The following ITGA2B variants were observed in gnomAD, a reference collection of about 807,000 sequenced individuals.
ITGA2B encodes integrin subunit alpha 2b, also known as integrin alpha-IIb.
In ITGA2B, 91 loss-of-function variants were observed where a neutral mutation model predicts 142.0. That is an observed-to-expected ratio of 0.64 (90% CI 0.54 to 0.76). The LOEUF (loss-of-function observed/expected upper bound fraction) is 0.76, where lower values mean the gene tolerates loss of function less well. ITGA2B is among the 30% of genes least tolerant of loss of function. ITGA2B has a pLI of 0.00. For synonymous variants in ITGA2B, 536 were observed against 567.2 expected, an observed-to-expected ratio of 0.94 and a Z score of 0.78; for missense variants, 1,231 against 1,350.8, an observed-to-expected ratio of 0.91 and a Z score of 1.39.
At position 44,372,472 on chromosome 17, in the gene ITGA2B, C is replaced by T. The variant is rs888879833; in HGVS notation, c.3061-49G>A. 6 of 1,560,236 alleles carry T rather than the reference C, an allele frequency of 3.8e-6. 1 individual carries two copies. Among genetic ancestry groups the T allele is most frequent in the South Asian group, 2.2e-5 (2 of 89,526 alleles). On this transcript the variant is annotated intron_variant, in intron 29 of 29. Transcript: ENST00000262407. Reference sequence around the variant, plus strand: ...TCAGGGTATACAGATGATTTGCTGGCCCCAGAGCACATGTGAGGAAGTATG... The same window carrying T: ...TCAGGGTATACAGATGATTTGCTGGTCCCAGAGCACATGTGAGGAAGTATG...
chr17:44,372,654 A>G (rs2048507256), intron 29 of ITGA2B, among the ~76,000 whole-genome samples: 1 of 151,640 alleles, frequency 6.6e-6, no homozygotes, highest in South Asian at 2.1e-4. Context: ...TTTTAGAGGG[A>G]GTCTCACTCT....
intron 4 of ITGA2B, 34 bp downstream of exon 4, chr17:44,385,517 G>C (rs367590600): frequency 3.9e-6 from 6 of 1,537,932 alleles, no homozygotes; most frequent in South Asian, 1.2e-5. Context: ...AAGCCGTCGC[G>C]AGTGGGCGGG....
chr17:44,388,911 C>T (rs1408267649), intron 1 of ITGA2B, among the ~76,000 whole-genome samples: 9 of 150,998 alleles, frequency 6.0e-5, no homozygotes, highest in African/African-American at 2.2e-4. Context: ...GTGATCTGCC[C>T]GCCTCGGCCT....
intron 7 of ITGA2B, 141 bp from the exon 8 acceptor site, chr17:44,384,726 G>A (rs2048628461): frequency 3.2e-6 from 4 of 1,266,888 alleles, no homozygotes; most frequent in Admixed American, 1.7e-5. Context: ...GAGGGGCCAA[G>A]CCCTGCCCCA....
In ITGA2B at chr17:44,380,976, T is replaced by C. The variant is rs2048592003; in HGVS notation, c.1296A>G (p.Ser432=). The C allele has an allele frequency of 6.2e-7, 1 of 1,613,728 alleles. No homozygotes were observed. The highest frequency in any genetic ancestry group is 8.5e-7 in the Non-Finnish European group (1 of 1,179,808). ...VFLGQSEGLR[S]RPSQVLDSPF... is the part of the protein sequence containing the mutation. ...GGCTGTCCAGGACCTGGGAGGGACG[T>C]GACCTCAGCCCCTCACTCTGACCCA... Residue 432 remains serine, a synonymous_variant, in exon 13 of 30, where the codon TCA becomes TCG. Coordinates refer to ENST00000262407, the MANE Select transcript of ITGA2B (RefSeq NM_000419.5).
Position 44,385,621 on chromosome 17 carries a change from G to A in ITGA2B, c.504C>T (p.Ser168=). The part of the protein sequence containing the change: ...VGSCFLAQPE[S]GRRAEYSPCR... ...AGGGGGAGTACTCGGCGCGGCGGCC[G>A]CTCTCTGGCTGAGCCAAAAAGCAGC... Residue 168 remains serine (S), a synonymous_variant, in exon 4 of 30, where the codon AGC becomes AGT. Transcript: ENST00000262407. 1 of 1,612,632 alleles carries A rather than the reference G, an allele frequency of 6.2e-7. No homozygotes were observed. Among genetic ancestry groups the A allele is most frequent in the Non-Finnish European group, 8.5e-7 (1 of 1,179,882 alleles).
chr17:44,386,775 CAATGCTAT>C (rs1430388561), intron 1 of ITGA2B, among the ~76,000 whole-genome samples: 1 of 152,154 alleles, frequency 6.6e-6, no homozygotes, highest in African/African-American at 2.4e-5. Flanking sequence ...GCTCTTGAAA[CAATGCTAT>C]AATTTTAAAA....
intron 12 of ITGA2B, among the ~76,000 whole-genome samples, chr17:44,382,033 A>G (rs1363328422): frequency 1.3e-5 from 2 of 152,088 alleles, no homozygotes; most frequent in African/African-American, 4.8e-5. Flanking sequence ...GAGGCAGCCC[A>G]CTGTTATGCT....
At chr17:44,383,741 A>G in intron 11 of ITGA2B, 37 bp from the exon 12 acceptor site, 6 of 1,555,846 alleles carry the variant, frequency 3.9e-6, no homozygotes, top group South Asian at 2.4e-5. Context: ...GGACTGGACC[A>G]GGGGTATATT....
chr17:44,388,269 C>T (rs2048666927), intron 1 of ITGA2B, among the ~76,000 whole-genome samples: 1 of 151,190 alleles, frequency 6.6e-6, no homozygotes, highest in African/African-American at 2.4e-5. Flanking sequence ...GGAAATGGAA[C>T]AGAAATGCAA....
intron 28 of ITGA2B, 44 bp from the exon 29 acceptor site, chr17:44,374,514 C>T (rs2048522246): frequency 3.2e-6 from 5 of 1,583,500 alleles, no homozygotes; most frequent in Non-Finnish European, 3.5e-6. Context: ...TTGACACCTG[C>T]CTTTCACAAA....
Position 44,380,229 on chromosome 17 carries a change from C to T in ITGA2B, c.1600+17G>A, listed in dbSNP as rs758461396. 1.9e-6 allele frequency: 3 copies of T among 1,614,190 alleles called. No individual in the cohort carries two copies. The highest frequency in any genetic ancestry group is 2.5e-6 in the Non-Finnish European group (3 of 1,180,038). ...AGTCCAAGCCCACCTCCCTCCTGCCCCCTTCATGCCACTCACATAGCTTCT... is the reference window on the plus strand; with the variant it reads ...AGTCCAAGCCCACCTCCCTCCTGCCTCCTTCATGCCACTCACATAGCTTCT... On this transcript the variant is annotated intron_variant, in intron 16 of 29. Coordinates refer to ENST00000262407, the MANE Select transcript of ITGA2B (RefSeq NM_000419.5).
chr17:44,384,267 C>A, intron 9 of ITGA2B, 44 bp downstream of exon 9: 1 of 1,611,708 alleles, frequency 6.2e-7, no homozygotes, highest in African/African-American at 1.3e-5. Flanking sequence ...AGCCTGAGAA[C>A]TGGGATAAGG....
rs1567902807 is a variant in ITGA2B at position 44,381,064 on chromosome 17, G to A, written c.1211-3C>T. On this transcript the variant is annotated splice_polypyrimidine_tract_variant and splice_region_variant and intron_variant, in intron 12 of 29. Transcript: ENST00000262407. ...GTAGGGGGCAGCCACTGCAATGTCT[G>A]GAAGGAGTAACAGAAAGGAAGTGGC... is the stretch of plus-strand genomic sequence containing the variant. The A allele has an allele frequency of 5.6e-6, 9 of 1,612,990 alleles. No individual in the cohort carries two copies. The highest frequency in any genetic ancestry group is 1.1e-5 in the South Asian group (1 of 90,962).
intron 13 of ITGA2B, 77 bp from the exon 14 acceptor site, chr17:44,380,722 A>C: frequency 6.2e-7 from 1 of 1,603,672 alleles, no homozygotes. Context: ...GGGGTTCCCC[A>C]CACCACCTCC....
In ITGA2B at chr17:44,386,012, A is replaced by G; in HGVS notation, c.308T>C (p.Leu103Pro). The G allele has an allele frequency of 6.2e-7, 1 of 1,613,806 alleles. No homozygotes were observed. Among genetic ancestry groups the G allele is most frequent in the South Asian group, 1.1e-5 (1 of 91,086 alleles). Reference sequence around the variant, plus strand: ...TGCTCTCCTTGCCTGGGACTCACGGAGGTCAAAGAGCAGCGAGGGGCACTG... The same window carrying G: ...TGCTCTCCTTGCCTGGGACTCACGGGGGTCAAAGAGCAGCGAGGGGCACTG... ...GGQCPSLLFD[L>P]RDETRNVGSQ... Residue 103 changes from leucine to proline, a missense_variant and splice_region_variant, in exon 2 of 30, where the codon CTC becomes CCC. By Grantham distance (98) the Leu-to-Pro change is moderately conservative. Around this residue, in one of 3 missense-constraint regions of ITGA2B, gnomAD observed 318 missense variants for 312.2 expected, o/e 1.02. Transcript: ENST00000262407.
At chr17:44,380,365 C>T (rs886203699) in intron 15 of ITGA2B, 21 bp downstream of exon 15, 2 of 1,613,962 alleles carry the variant, frequency 1.2e-6, no homozygotes, top group Admixed American at 1.7e-5. Flanking sequence ...CCTTTAAGGC[C>T]CATGCCCTCT....
intron 11 of ITGA2B, 82 bp downstream of exon 11, chr17:44,383,812 C>T (rs933962090): frequency 4.9e-5 from 78 of 1,580,096 alleles, no homozygotes; most frequent in Non-Finnish European, 6.5e-5. Context: ...ATACGTGAGA[C>T]TAGGGCTAGG....
Position 44,375,654 on chromosome 17 carries a change from A to G in ITGA2B, c.2664T>C (p.Asp888=), listed in dbSNP as rs754892116. Residue 888 remains aspartate, a synonymous_variant, in exon 26 of 30, where the codon GAT becomes GAC. Coordinates refer to ENST00000262407, the MANE Select transcript of ITGA2B (RefSeq NM_000419.5). ...GCTCTGGCAGGAAGATCTGTCTGCG[A>G]TCCCGCTTGTGATGGGCCGGGTGAA... is the stretch of plus-strand genomic sequence containing the variant. ...SPIHPAHHKR[D]RRQIFLPEPE... The G allele has an allele frequency of 5.6e-6, 9 of 1,612,304 alleles. No homozygotes were observed. The South Asian group carries it at 9.9e-5, about 18-fold the overall frequency.
Sources: allele counts gnomAD v4.1 joint callset (sites outside exome capture counted in the v4.1 genomes callset), GRCh38; gene constraint gnomAD v4.1.1; regional missense constraint gnomAD v4.1.1; transcripts MANE v1.5; gene names NCBI Gene and HGNC (gene_info 2026-07-23, HGNC 2026-07-21).